The following QTRT2 variants were observed in gnomAD, a reference collection of about 807,000 sequenced individuals.
QTRT2 encodes queuine tRNA-ribosyltransferase accessory subunit 2, also known as queuine tRNA-ribosyltransferase domain containing 1.
QTRT2 carries 32 observed loss-of-function variants against 44.8 expected under a neutral mutation model. The observed-to-expected ratio is 0.71, with a 90% CI of 0.54 to 0.96. The LOEUF (loss-of-function observed/expected upper bound fraction) is 0.96. Ranked by LOEUF, QTRT2 falls within the 40% of genes least tolerant of loss-of-function variation. The pLI is 0.00. For synonymous variants in QTRT2, 182 were observed against 187.4 expected (o/e 0.97, Z 0.24); for missense variants, 461 against 503.1 (o/e 0.92, Z 0.80).
chr3:114,075,269 T>C (rs1266334456), intron 6 of QTRT2, among the ~76,000 whole-genome samples: 1 of 152,244 alleles, frequency 6.6e-6, no homozygotes, highest in Non-Finnish European at 1.5e-5. Flanking sequence ...TTTCCAATTT[T>C]GCATTACCTT....
At chr3:114,085,590 CTT>C in intron 9 of QTRT2, 81 bp from the exon 10 acceptor site, 2 of 1,163,614 alleles carry the variant, frequency 1.7e-6, no homozygotes, top group East Asian at 2.3e-5. Flanking sequence ...CCACTGGTAA[CTT>C]TACCAGCAGA....
At chr3:114,063,789 A>G (rs1311054497) in intron 2 of QTRT2, among the ~76,000 whole-genome samples, 1 of 152,182 alleles carries the variant, frequency 6.6e-6, no homozygotes, top group African/African-American at 2.4e-5. Context: ...AAATTTAAGA[A>G]TTTATGTCTC....
intron 2 of QTRT2, 77 bp downstream of exon 2, chr3:114,057,183 C>T (rs753278367): frequency 8.7e-6 from 6 of 687,478 alleles, no homozygotes; most frequent in Non-Finnish European, 1.2e-5. Context: ...AGCCAGGTGC[C>T]TAGGGAGGTC....
Position 114,079,891 on chromosome 3 carries a change from T to C in QTRT2, c.747-15T>C. On this transcript the variant is annotated splice_polypyrimidine_tract_variant and intron_variant, in intron 7 of 9. Transcript: ENST00000281273. ...CATTGTCCTCATGTCACTGTTCTTATTCTTACTTTTACAGGCTCATATCTG... is the reference window on the plus strand; with the variant it reads ...CATTGTCCTCATGTCACTGTTCTTACTCTTACTTTTACAGGCTCATATCTG... 1 of 1,611,880 alleles carries C rather than the reference T, an allele frequency of 6.2e-7. No individual in the cohort carries two copies. The highest frequency in any genetic ancestry group is 8.5e-7 in the Non-Finnish European group (1 of 1,178,632).
intron 8 of QTRT2, among the ~76,000 whole-genome samples, chr3:114,081,514 A>G (rs2077164929): frequency 6.6e-6 from 1 of 152,140 alleles, no homozygotes; most frequent in African/African-American, 2.4e-5. Context: ...GTAAAGTTTA[A>G]TTTGTTTAAC....
At chr3:114,084,017 T>C (rs1376436854) in intron 9 of QTRT2, among the ~76,000 whole-genome samples, 1 of 152,102 alleles carries the variant, frequency 6.6e-6, no homozygotes, top group African/African-American at 2.4e-5. Flanking sequence ...CTAGCACTGC[T>C]CTTGACTGTG....
chr3:114,066,341 G>A, intron 4 of QTRT2, 58 bp downstream of exon 4: 1 of 977,738 alleles, frequency 1.0e-6, no homozygotes, highest in Non-Finnish European at 1.6e-6. Flanking sequence ...GTTTGGAGGT[G>A]CTGTTACCTC....
intron 8 of QTRT2, among the ~76,000 whole-genome samples, chr3:114,081,231 A>G (rs1467989354): frequency 6.6e-6 from 1 of 152,250 alleles, no homozygotes; most frequent in Non-Finnish European, 1.5e-5. Flanking sequence ...ACAAAGTATT[A>G]TTAACTCTGT....
chr3:114,066,222 T>C lies in QTRT2; in HGVS notation c.201-6T>C. 6.2e-7 allele frequency: 1 copy of C among 1,600,580 alleles called. No homozygotes were observed. The highest frequency in any genetic ancestry group is 1.3e-5 in the African/African-American group (1 of 74,592). On this transcript the variant is annotated splice_polypyrimidine_tract_variant and splice_region_variant and intron_variant, in intron 3 of 9. Coordinates refer to ENST00000281273, the MANE Select transcript of QTRT2 (RefSeq NM_024638.4). ...TATGTTATGTATTTTTCTGTTTTGC[T>C]TACAGAGCAGAACATCATGAAGTCT...
intron 6 of QTRT2, among the ~76,000 whole-genome samples, chr3:114,071,574 C>T (rs971204870): frequency 6.6e-6 from 1 of 152,224 alleles, no homozygotes; most frequent in Non-Finnish European, 1.5e-5. Context: ...GCTGGGATTA[C>T]AGGCTTGAGC....
At chr3:114,085,580 C>A in intron 9 of QTRT2, 93 bp from the exon 10 acceptor site, 3 of 1,017,940 alleles carry the variant, frequency 2.9e-6, no homozygotes, top group Non-Finnish European at 4.7e-6. Flanking sequence ...ATGTTATTAA[C>A]CACTGGTAAC....
At chr3:114,071,003 T>C (rs766907264) in intron 6 of QTRT2, among the ~76,000 whole-genome samples, 165 bp downstream of exon 6, 3 of 152,206 alleles carry the variant, frequency 2.0e-5, no homozygotes, top group Non-Finnish European at 2.9e-5. Flanking sequence ...ATTATTGTTC[T>C]CTAGGTTTCT....
chr3:114,069,701 T>C (rs1393447667), intron 5 of QTRT2, among the ~76,000 whole-genome samples: 1 of 152,228 alleles, frequency 6.6e-6, no homozygotes, highest in African/African-American at 2.4e-5. Flanking sequence ...TGCTGCAATG[T>C]ACATTTGCAT....
chr3:114,058,271 C>A (rs1404250698), intron 2 of QTRT2, among the ~76,000 whole-genome samples: 1 of 151,968 alleles, frequency 6.6e-6, no homozygotes, highest in Non-Finnish European at 1.5e-5. Context: ...TTTGTGTTTT[C>A]TATTTCTTTT....
Position 114,057,001 on chromosome 3 carries a change from T to C in QTRT2, c.-127T>C. The C allele has an allele frequency of 1.4e-6, 2 of 1,432,184 alleles. No homozygotes were observed. The highest frequency in any genetic ancestry group is 3.0e-5 in the South Asian group (2 of 67,608). 88.7% of individuals were successfully genotyped at this position (1,432,184 alleles called of 1,614,324 possible). On this transcript the variant is annotated splice_region_variant and 5_prime_UTR_variant, in exon 2 of 10. Coordinates refer to ENST00000281273, the MANE Select transcript of QTRT2 (RefSeq NM_024638.4). ...GTCTCCTCTGCTTCCCTTTTCAGGG[T>C]GTCCTGGTGGATTGGTTTCTGTAAG...
In QTRT2 at chr3:114,070,761, A is replaced by G. The variant is rs757323425; in HGVS notation, c.469A>G (p.Ile157Val). 1 of 1,614,112 alleles carries G rather than the reference A, an allele frequency of 6.2e-7. No individual in the cohort carries two copies. The highest frequency in any genetic ancestry group is 1.7e-5 in the Admixed American group (1 of 60,014). The change falls in exon 6 of 10, where the codon ATA becomes GTA. Residue 157 changes from isoleucine to valine, a missense_variant. Physicochemically the swap from Ile to Val is conservative, Grantham distance 29. Transcript: ENST00000281273. Reference sequence around the variant, plus strand: ...AGTATCTTGTAAGGAAGCAACTTCCATAAAAAGGGTCAGAAAGTCTGTTGA... The same window carrying G: ...AGTATCTTGTAAGGAAGCAACTTCCGTAAAAAGGGTCAGAAAGTCTGTTGA... Reference protein sequence around the residue: ...GEVSCKEATSIKRVRKSVDRS... With the variant: ...GEVSCKEATSVKRVRKSVDRS...
intron 5 of QTRT2, among the ~76,000 whole-genome samples, chr3:114,069,245 T>C (rs1369362742): frequency 2.0e-5 from 3 of 152,168 alleles, no homozygotes; most frequent in African/African-American, 7.2e-5. Flanking sequence ...TTTTCCCTTT[T>C]TTTAACTTTT....
intron 1 of QTRT2, 49 bp from the exon 2 acceptor site, chr3:114,056,950 A>G (rs2076800579): frequency 2.0e-6 from 3 of 1,500,644 alleles, no homozygotes; most frequent in East Asian, 2.5e-5. Flanking sequence ...GTTGTGTTGC[A>G]GTAACGGTGA....
At chr3:114,072,178 A>T (rs2077033095) in intron 6 of QTRT2, among the ~76,000 whole-genome samples, 1 of 150,056 alleles carries the variant, frequency 6.7e-6, no homozygotes, top group Admixed American at 6.6e-5. Context: ...AGACAGTCTC[A>T]CTCTATTGCT....
Sources: allele counts gnomAD v4.1 joint callset (sites outside exome capture counted in the v4.1 genomes callset), GRCh38; gene constraint gnomAD v4.1.1; transcripts MANE v1.5; gene names NCBI Gene and HGNC (gene_info 2026-07-23, HGNC 2026-07-21).